The following WWOX variants were observed in gnomAD, a reference collection of about 807,000 sequenced individuals.
The protein encoded by WWOX is WW domain-containing oxidoreductase.
A neutral mutation model predicts 46.2 loss-of-function variants in WWOX; 69 were observed. The observed-to-expected ratio is 1.49, with a 90% CI of 1.23 to 1.82. The LOEUF (loss-of-function observed/expected upper bound fraction) is 1.82. Ranked by LOEUF, WWOX falls within the 40% of genes most tolerant of loss-of-function variation. WWOX has a pLI of 0.00. For synonymous variants in WWOX, 359 were observed against 202.6 expected, an observed-to-expected ratio of 1.77 and a Z score of -6.56; for missense variants, 919 against 542.6, an observed-to-expected ratio of 1.69 and a Z score of -6.89.
intron 8 of WWOX, among the ~76,000 whole-genome samples, chr16:79,172,879 G>T (rs9935023): frequency 0.51 from 76,812 of 150,958 alleles, 20,302 homozygotes; most frequent in East Asian, 0.85. Flanking sequence ...AAAAATGCCA[G>T]GTGTAGTGGT....
In WWOX at chr16:78,338,890, G is replaced by A. The variant is rs1388408402; in HGVS notation, c.517-47970G>A. On this transcript the variant is annotated intron_variant, in intron 5 of 8. Transcript: ENST00000566780. The stretch of plus-strand genomic sequence containing the variant: ...TCAGGTATGTCTATTAAATTTTTAC[G>A]TAAAAAGTTAAAGCAGCCCTCAGCA... Among the ~76,000 whole-genome samples, 6 of 119,560 alleles carry A rather than the reference G, an allele frequency of 5.0e-5. 1 individual carries two copies. Among genetic ancestry groups the A allele is most frequent in the South Asian group, 2.5e-4 (1 of 4,058 alleles). The allele number at this position is 119,560 out of a possible 152,430, so 78.4% of individuals were successfully genotyped here.
intron 3 of WWOX, among the ~76,000 whole-genome samples, chr16:78,110,232 C>T (rs1045617564): frequency 6.7e-6 from 1 of 149,136 alleles, no homozygotes; most frequent in Non-Finnish European, 1.5e-5. Context: ...CCCTGCTACT[C>T]GGGAGGGTAA....
At chr16:78,852,969 A>C (rs901954168) in intron 8 of WWOX, among the ~76,000 whole-genome samples, 1 of 152,168 alleles carries the variant, frequency 6.6e-6, no homozygotes, top group Non-Finnish European at 1.5e-5. Context: ...ATGAACTGCA[A>C]TTTATATCTT....
In WWOX at chr16:78,442,797, T is replaced by C. The variant is rs963397714; in HGVS notation, c.1056+10045T>C. Reference sequence around the variant, plus strand: ...GAGTTCGAGACCAGCCTGGTCAACATTGCGAAATTCTGTCTCTACTAAAAA... The same window carrying C: ...GAGTTCGAGACCAGCCTGGTCAACACTGCGAAATTCTGTCTCTACTAAAAA... On this transcript the variant is annotated intron_variant, in intron 8 of 8. Transcript: ENST00000566780. Among the ~76,000 whole-genome samples, 11 of 151,594 alleles carry C rather than the reference T, an allele frequency of 7.3e-5. 1 individual carries two copies. The highest frequency in any genetic ancestry group is 2.2e-4 in the African/African-American group (9 of 41,326).
At chr16:78,117,693 T>C (rs950693031) in intron 4 of WWOX, among the ~76,000 whole-genome samples, 1 of 152,196 alleles carries the variant, frequency 6.6e-6, no homozygotes, top group Non-Finnish European at 1.5e-5. Context: ...ATCACTACTT[T>C]AGTTCCGCTC....
intron 8 of WWOX, among the ~76,000 whole-genome samples, chr16:78,878,748 G>A (rs1191005361): frequency 6.6e-6 from 1 of 152,020 alleles, no homozygotes; most frequent in African/African-American, 2.4e-5. Context: ...CAATGTTAGT[G>A]AAGTTGCTTG....
chr16:79,014,810 C>T (rs377440949), intron 8 of WWOX, among the ~76,000 whole-genome samples: 11 of 152,150 alleles, frequency 7.2e-5, no homozygotes, highest in East Asian at 3.8e-4. Flanking sequence ...TTTTTGGTTT[C>T]CTACTTTTGT....
At chr16:79,087,084 G>A (rs1169581696) in intron 8 of WWOX, among the ~76,000 whole-genome samples, 1 of 152,206 alleles carries the variant, frequency 6.6e-6, no homozygotes, top group Non-Finnish European at 1.5e-5. Flanking sequence ...ACCAGGCACT[G>A]ATGGAGTAAG....
Position 79,004,288 on chromosome 16 carries a change from A to G in WWOX, c.1057-207320A>G, listed in dbSNP as rs184616643. 2.6e-5 allele frequency: 4 copies of G among 152,344 alleles called. 1 individual carries two copies. Among genetic ancestry groups the G allele is most frequent in the African/African-American group, 9.6e-5 (4 of 41,586 alleles). 9.4% of individuals were successfully genotyped at this position (152,344 alleles called of 1,614,324 possible). A position where few individuals can be genotyped will look rare whatever the true frequency, so the allele number is the denominator to read the frequency against. On this transcript the variant is annotated intron_variant, in intron 8 of 8. Transcript: ENST00000566780. ...GAATAAAAACGCTTGGCAGTACCGC[A>G]TGGCGAGCCAGTACCCGTGAATGCT...
chr16:78,834,417 G>C (rs553179166), intron 8 of WWOX, among the ~76,000 whole-genome samples: 2 of 152,132 alleles, frequency 1.3e-5, no homozygotes, highest in Admixed American at 6.5e-5. Context: ...AGGTTTCTAG[G>C]TTTCTGTGCC....
chr16:78,615,334 C>A (rs1422417618), intron 8 of WWOX, among the ~76,000 whole-genome samples: 1 of 152,124 alleles, frequency 6.6e-6, no homozygotes, highest in African/African-American at 2.4e-5. Flanking sequence ...GACTCGGTAC[C>A]TGGTGTATAG....
intron 6 of WWOX, among the ~76,000 whole-genome samples, chr16:78,397,005 G>C (rs1376184008): frequency 6.6e-6 from 1 of 152,146 alleles, no homozygotes; most frequent in African/African-American, 2.4e-5. Context: ...TTCATCATGA[G>C]AAATATATTC....
In WWOX at chr16:78,344,212, G is replaced by A. The variant is rs111391273; in HGVS notation, c.517-42648G>A. On this transcript the variant is annotated intron_variant, in intron 5 of 8. Coordinates refer to ENST00000566780, the MANE Select transcript of WWOX (RefSeq NM_016373.4). The stretch of plus-strand genomic sequence containing the variant: ...CTGGTATTTATGAGTGAATGGCAGC[G>A]TTTTGACAGGATGATGAATAAATAT... Among the ~76,000 whole-genome samples, 2 of 120,034 alleles carry A rather than the reference G, an allele frequency of 1.7e-5. 1 individual carries two copies. The highest frequency in any genetic ancestry group is 4.0e-5 in the Non-Finnish European group (2 of 50,444). 78.7% of individuals were successfully genotyped at this position (120,034 alleles called of 152,430 possible). A position where few individuals can be genotyped will look rare whatever the true frequency, so the allele number is the denominator to read the frequency against.
intron 8 of WWOX, among the ~76,000 whole-genome samples, chr16:78,699,925 T>C (rs533531072): frequency 6.6e-6 from 1 of 152,226 alleles, no homozygotes; most frequent in South Asian, 2.1e-4. Flanking sequence ...AGGGGGACAT[T>C]TGGGAATGGC....
intron 8 of WWOX, among the ~76,000 whole-genome samples, chr16:78,635,513 C>G (rs754974974): frequency 4.6e-5 from 7 of 152,158 alleles, no homozygotes; most frequent in Non-Finnish European, 1.0e-4. Context: ...GGCTGGGCCA[C>G]TTACTTTCTG....
chr16:78,461,939 T>G (rs1400566146), intron 8 of WWOX, among the ~76,000 whole-genome samples: 12 of 152,234 alleles, frequency 7.9e-5, no homozygotes. Context: ...TTCAATCAGC[T>G]AGAGCCAGCA....
At chr16:78,728,756 C>T (rs1273093400) in intron 8 of WWOX, among the ~76,000 whole-genome samples, 4 of 152,152 alleles carry the variant, frequency 2.6e-5, no homozygotes, top group Admixed American at 6.5e-5. Flanking sequence ...AACAATCTTC[C>T]TTGTAAAGAG....
intron 8 of WWOX, among the ~76,000 whole-genome samples, chr16:79,022,009 T>C (rs1429151455): frequency 2.0e-5 from 3 of 152,140 alleles, no homozygotes; most frequent in Admixed American, 1.3e-4. Flanking sequence ...TGATAGGGAT[T>C]GATATTGACC....
Position 79,078,439 on chromosome 16 carries a change from G to A in WWOX, c.1057-133169G>A, listed in dbSNP as rs116988446. 8.7e-4 allele frequency among the ~76,000 whole-genome samples: 132 copies of A among 152,264 alleles called. 1 individual carries two copies. In the East Asian group the frequency reaches 0.024, roughly 28 times the overall value. On this transcript the variant is annotated intron_variant, in intron 8 of 8. Transcript: ENST00000566780. ...AGAAAGTGTCCTGTGTGTGGAGATGGCAGGGTGGCTGGAGTTGAGAGGAGA... is the reference window on the plus strand; with the variant it reads ...AGAAAGTGTCCTGTGTGTGGAGATGACAGGGTGGCTGGAGTTGAGAGGAGA...
Sources: allele counts gnomAD v4.1 joint callset (sites outside exome capture counted in the v4.1 genomes callset), GRCh38; gene constraint gnomAD v4.1.1; transcripts MANE v1.5; gene names NCBI Gene and HGNC (gene_info 2026-07-23, HGNC 2026-07-21).